Variants in DIRAS2 observed in about 807,000 individuals in gnomAD.
The protein encoded by DIRAS2 is DIRAS family GTPase 2.
In DIRAS2, 5 loss-of-function variants were observed where a neutral mutation model predicts 13.9. That is an observed-to-expected ratio of 0.36 (90% confidence interval 0.19 to 0.76). The LOEUF (loss-of-function observed/expected upper bound fraction) is 0.76, where lower values mean the gene tolerates loss of function less well. Among genes scored for constraint, DIRAS2 ranks in the 30% least tolerant of loss-of-function variants. The pLI, the probability that DIRAS2 is intolerant of heterozygous loss-of-function variation, is 0.53. For missense variants in DIRAS2, 191 were observed against 263.0 expected, an observed-to-expected ratio of 0.73 and a Z score of 1.89; for synonymous variants, 111 against 105.4, an observed-to-expected ratio of 1.05 and a Z score of -0.33.
chr9:90,642,134 G>T (rs185822082), intron 1 of DIRAS2, among the ~76,000 whole-genome samples: 2 of 152,376 alleles, frequency 1.3e-5, no homozygotes, highest in African/African-American at 4.8e-5. Context: ...GCGAGCCTGG[G>T]AGCTGTCAGC....
intron 1 of DIRAS2, among the ~76,000 whole-genome samples, chr9:90,626,442 A>T (rs1277334771): frequency 3.2e-5 from 1 of 31,120 alleles, no homozygotes; most frequent in Non-Finnish European, 1.6e-4. Flanking sequence ...CCCATTTCTT[A>T]AAAAAAAAAA....
At chr9:90,640,256 A>G (rs1287685561) in intron 1 of DIRAS2, among the ~76,000 whole-genome samples, 1 of 152,224 alleles carries the variant, frequency 6.6e-6, no homozygotes, top group African/African-American at 2.4e-5. Flanking sequence ...AAAACACTTC[A>G]CTGCATTTAG....
intron 1 of DIRAS2, among the ~76,000 whole-genome samples, chr9:90,623,416 C>A: frequency 6.6e-6 from 1 of 151,980 alleles, no homozygotes; most frequent in East Asian, 1.9e-4. Flanking sequence ...CTCAACACTC[C>A]CTTATACTCC....
At chr9:90,616,197 C>T (rs990303066) in intron 1 of DIRAS2, among the ~76,000 whole-genome samples, 1 of 152,144 alleles carries the variant, frequency 6.6e-6, no homozygotes, top group Non-Finnish European at 1.5e-5. Context: ...GCAACGAACA[C>T]ATAGGAAGTA....
At chr9:90,614,306 ATGTGTGTGTGTGTGTG>A (rs34548591) in intron 1 of DIRAS2, among the ~76,000 whole-genome samples, 32 of 134,918 alleles carry the variant, frequency 2.4e-4, no homozygotes, top group East Asian at 8.6e-4. Context: ...GGTCATCATA[ATGTGTGTGTGTGTGTG>A]TGTGTGTGTG....
At chr9:90,614,923 T>C (rs943630514) in intron 1 of DIRAS2, among the ~76,000 whole-genome samples, 2 of 152,186 alleles carry the variant, frequency 1.3e-5, no homozygotes, top group Non-Finnish European at 2.9e-5. Context: ...TCAAAATTTT[T>C]TCATTCTGTA....
chr9:90,610,382 C>T lies in DIRAS2; in HGVS notation c.*2846G>A, dbSNP rs1825099216. The T allele has an allele frequency of 2.5e-6, 1 of 398,734 alleles. No individual in the cohort carries two copies. The highest frequency in any genetic ancestry group is 1.3e-4 in the South Asian group (1 of 7,832). The allele number at this position is 398,734 out of a possible 1,614,324, so 24.7% of individuals were successfully genotyped here. A position where few individuals can be genotyped will look rare whatever the true frequency, so the allele number is the denominator to read the frequency against. On this transcript the variant is annotated 3_prime_UTR_variant, in exon 2 of 2. Transcript: ENST00000375765. ...ATAGAATGAACAATTCAATATTGCT[C>T]TTGTGTTGGTCTTGCTGCATTGTAT...
At chr9:90,640,888 A>T (rs973974164) in intron 1 of DIRAS2, among the ~76,000 whole-genome samples, 1 of 152,242 alleles carries the variant, frequency 6.6e-6, no homozygotes, top group Non-Finnish European at 1.5e-5. Context: ...GTTAATTTTC[A>T]ACATATCAAC....
intron 1 of DIRAS2, among the ~76,000 whole-genome samples, chr9:90,619,089 A>C (rs1411230756): frequency 6.6e-6 from 1 of 152,148 alleles, no homozygotes; most frequent in African/African-American, 2.4e-5. Flanking sequence ...CAGTGAGCCA[A>C]GATCTCACCA....
intron 1 of DIRAS2, among the ~76,000 whole-genome samples, chr9:90,638,387 A>G (rs1194991227): frequency 6.6e-6 from 1 of 152,240 alleles, no homozygotes; most frequent in Non-Finnish European, 1.5e-5. Context: ...AGCCATTTCT[A>G]TTATCCAGTA....
chr9:90,614,004 T>C, intron 1 of DIRAS2, 141 bp from the exon 2 acceptor site: 3 of 928,550 alleles, frequency 3.2e-6, no homozygotes, highest in South Asian at 2.1e-5. Flanking sequence ...TCCAATAAAT[T>C]TGGTCAATCC....
At position 90,612,958 on chromosome 9, in the gene DIRAS2, C is replaced by T; in HGVS notation, c.*270G>A. On this transcript the variant is annotated 3_prime_UTR_variant, in exon 2 of 2. Coordinates refer to ENST00000375765, the MANE Select transcript of DIRAS2 (RefSeq NM_017594.5). ...CCTCCCACCTTCGGGTGTTCATCGCCACCTTCAGCAATTGCTGGCACCTCT... is the reference window on the plus strand; with the variant it reads ...CCTCCCACCTTCGGGTGTTCATCGCTACCTTCAGCAATTGCTGGCACCTCT... The T allele has an allele frequency of 2.1e-6, 1 of 467,940 alleles. No homozygotes were observed. Among genetic ancestry groups the T allele is most frequent in the Non-Finnish European group, 3.9e-6 (1 of 259,132 alleles). 29.0% of individuals were successfully genotyped at this position (467,940 alleles called of 1,614,324 possible).
chr9:90,637,292 G>A (rs1825380124), intron 1 of DIRAS2, among the ~76,000 whole-genome samples: 1 of 152,178 alleles, frequency 6.6e-6, no homozygotes, highest in African/African-American at 2.4e-5. Flanking sequence ...AGAAGACTCT[G>A]CTGAGGGATA....
In DIRAS2 at chr9:90,610,943, C is replaced by T. The variant is rs1825106774; in HGVS notation, c.*2285G>A. 1 of 152,214 alleles carries T rather than the reference C, an allele frequency of 6.6e-6. No homozygotes were observed. The highest frequency in any genetic ancestry group is 2.4e-5 in the African/African-American group (1 of 41,442). The allele number at this position is 152,214 out of a possible 1,614,324, so 9.4% of individuals were successfully genotyped here. ...GATAAAAGAAATTCTGACTTACAAT[C>T]AGTAGAAATGGGATGGTTTGCAGGA... On this transcript the variant is annotated 3_prime_UTR_variant, in exon 2 of 2. Transcript: ENST00000375765.
intron 1 of DIRAS2, among the ~76,000 whole-genome samples, chr9:90,615,950 A>G (rs1250503235): frequency 6.6e-6 from 1 of 152,210 alleles, no homozygotes; most frequent in Non-Finnish European, 1.5e-5. Flanking sequence ...TTCTTTCTAC[A>G]TCCTCAGAAT....
intron 1 of DIRAS2, among the ~76,000 whole-genome samples, chr9:90,632,067 C>T (rs1419201716): frequency 6.6e-6 from 1 of 152,194 alleles, no homozygotes; most frequent in Non-Finnish European, 1.5e-5. Flanking sequence ...TTAGCAGGCT[C>T]TCCAGGCATT....
chr9:90,621,581 G>A (rs1825219751), intron 1 of DIRAS2, among the ~76,000 whole-genome samples: 1 of 152,108 alleles, frequency 6.6e-6, no homozygotes, highest in African/African-American at 2.4e-5. Flanking sequence ...TATGTATTTG[G>A]TTAAAAAATG....
In DIRAS2 at chr9:90,613,157, C is replaced by T. The variant is rs1399864523; in HGVS notation, c.*71G>A. 4 of 1,557,474 alleles carry T rather than the reference C, an allele frequency of 2.6e-6. No homozygotes were observed. The highest frequency in any genetic ancestry group is 4.5e-5 in the East Asian group (2 of 44,482). On this transcript the variant is annotated 3_prime_UTR_variant, in exon 2 of 2. Coordinates refer to ENST00000375765, the MANE Select transcript of DIRAS2 (RefSeq NM_017594.5). The surrounding 1 kb of genome is among the most constrained non-coding windows in gnomAD (Gnocchi z 5.6). ...GTGGGCATTATACATGCTACCCTGA[C>T]GACGGTGGGTGTCATTTTGGGGGAG...
chr9:90,629,643 C>T (rs1374332028), intron 1 of DIRAS2, among the ~76,000 whole-genome samples: 1 of 152,176 alleles, frequency 6.6e-6, no homozygotes, highest in Non-Finnish European at 1.5e-5. Flanking sequence ...ACTCAAGTCT[C>T]TTATATGTAA....
Sources: gnomAD v4.1 joint callset for allele counts (sites outside exome capture counted in the v4.1 genomes callset) on GRCh38, gnomAD v4.1.1 for gene constraint, Gnocchi (gnomAD v3.1) non-coding constraint, MANE v1.5 for transcripts, NCBI Gene and HGNC (gene_info 2026-07-23, HGNC 2026-07-21) for gene names.